Variants in AKT3 observed in about 807,000 individuals in gnomAD.
AKT3 encodes AKT serine/threonine kinase 3, also known as RAC-gamma serine/threonine-protein kinase.
Under a neutral mutation model 65.3 loss-of-function variants are expected in AKT3, and 15 were observed. The ratio of observed to expected loss-of-function variants is 0.23; its 90% CI spans 0.15 to 0.35. AKT3 has a LOEUF of 0.35. AKT3 is among the 10% of genes least tolerant of loss of function. AKT3 has a pLI of 1.00. For synonymous variants in AKT3, 206 were observed against 183.8 expected (o/e 1.12, Z -0.98); for missense variants, 243 against 576.5 (o/e 0.42, Z 5.92).
chr1:243,672,736 T>C (rs1683237932), intron 3 of AKT3, among the ~76,000 whole-genome samples: 1 of 152,226 alleles, frequency 6.6e-6, no homozygotes, highest in Non-Finnish European at 1.5e-5. Flanking sequence ...TTTTCTTCTT[T>C]GAATATGGTC....
intron 6 of AKT3, among the ~76,000 whole-genome samples, chr1:243,631,992 C>G (rs954709980): frequency 6.6e-6 from 1 of 152,178 alleles, no homozygotes; most frequent in Non-Finnish European, 1.5e-5. Context: ...GAGTCTTGAA[C>G]CCCTCAAACT....
chr1:243,498,610 T>C (rs551412767), downstream of AKT3, among the ~76,000 whole-genome samples: 1 of 152,388 alleles, frequency 6.6e-6, no homozygotes, highest in Admixed American at 6.5e-5. Flanking sequence ...GAAATCTACT[T>C]GAAATGTAAA....
intron 2 of AKT3, among the ~76,000 whole-genome samples, chr1:243,816,075 T>G (rs1693502135): frequency 6.6e-6 from 1 of 152,150 alleles, no homozygotes; most frequent in Non-Finnish European, 1.5e-5. Context: ...TAGCCAGGGA[T>G]GTAGTCATCA....
intron 2 of AKT3, among the ~76,000 whole-genome samples, chr1:243,713,264 C>G (rs949223738): frequency 6.6e-6 from 1 of 152,052 alleles, no homozygotes; most frequent in Non-Finnish European, 1.5e-5. Context: ...ACCATCAACA[C>G]GGAGAAATAA....
chr1:243,507,123 G>T (rs976861806), intron 13 of AKT3, among the ~76,000 whole-genome samples: 1 of 152,254 alleles, frequency 6.6e-6, no homozygotes, highest in South Asian at 2.1e-4. Flanking sequence ...CTGGACAGCA[G>T]TGGGGAGCCT....
At chr1:243,536,179 A>G (rs553153585) in intron 12 of AKT3, among the ~76,000 whole-genome samples, 26 of 152,064 alleles carry the variant, frequency 1.7e-4, no homozygotes, top group South Asian at 2.1e-4. Flanking sequence ...TAAGTTGTCT[A>G]TTTACTTTGT....
intron 8 of AKT3, among the ~76,000 whole-genome samples, chr1:243,589,567 C>T (rs1054012486): frequency 6.6e-5 from 10 of 152,042 alleles, no homozygotes; most frequent in Non-Finnish European, 1.5e-4. Flanking sequence ...AAAGGGAACC[C>T]TTGTGCACTG....
chr1:243,536,393 T>G (rs1211337576), intron 12 of AKT3, among the ~76,000 whole-genome samples: 1 of 152,194 alleles, frequency 6.6e-6, no homozygotes, highest in Non-Finnish European at 1.5e-5. Flanking sequence ...CATCTTGAGT[T>G]AATTCTTGCA....
chr1:243,693,404 C>A (rs1684852983), intron 3 of AKT3, among the ~76,000 whole-genome samples: 1 of 150,632 alleles, frequency 6.6e-6, no homozygotes, highest in African/African-American at 2.4e-5. Flanking sequence ...CTCTCTTGCA[C>A]CAATTGTTCC....
At chr1:243,648,725 C>A (rs951443471) in intron 4 of AKT3, among the ~76,000 whole-genome samples, 1 of 152,136 alleles carries the variant, frequency 6.6e-6, no homozygotes, top group Non-Finnish European at 1.5e-5. Context: ...AGGAAAGGTT[C>A]TTAATTACTA....
At chr1:243,582,374 T>C (rs545710288) in intron 8 of AKT3, among the ~76,000 whole-genome samples, 7 of 145,524 alleles carry the variant, frequency 4.8e-5, no homozygotes, top group Non-Finnish European at 1.0e-4. Flanking sequence ...GGGAATGTCA[T>C]CAGGCCAACC....
downstream of AKT3, among the ~76,000 whole-genome samples, chr1:243,495,474 G>A (rs968662859): frequency 4.6e-5 from 7 of 152,288 alleles, no homozygotes; most frequent in East Asian, 3.9e-4. Flanking sequence ...GGGCCCAGCC[G>A]GGCAGCCAGG....
At chr1:243,835,364 T>C (rs576186447) in intron 2 of AKT3, among the ~76,000 whole-genome samples, 16 of 152,264 alleles carry the variant, frequency 1.1e-4, no homozygotes, top group Admixed American at 5.9e-4. Flanking sequence ...ATCTTAAAAC[T>C]ACCTATAGGG....
chr1:243,735,644 T>C (rs1687799724), intron 2 of AKT3: 1 of 152,214 alleles, frequency 6.6e-6, no homozygotes, highest in Non-Finnish European at 1.5e-5. Context: ...CAGCTCTTAC[T>C]ATCAGTCATC....
chr1:243,626,347 C>T (rs1416073012), intron 6 of AKT3, among the ~76,000 whole-genome samples: 1 of 152,184 alleles, frequency 6.6e-6, no homozygotes, highest in Admixed American at 6.5e-5. Flanking sequence ...CTGATGTTAA[C>T]ACAAAGGTCT....
chr1:243,675,755 G>T (rs746247438), intron 3 of AKT3, among the ~76,000 whole-genome samples: 1 of 151,932 alleles, frequency 6.6e-6, no homozygotes, highest in Non-Finnish European at 1.5e-5. Context: ...CCTATCCTTT[G>T]AGTCCCTTTT....
At chr1:243,716,603 AAAAC>A (rs2148096115) in intron 2 of AKT3, among the ~76,000 whole-genome samples, 2 of 152,356 alleles carry the variant, frequency 1.3e-5, no homozygotes, top group East Asian at 3.9e-4. Context: ...TGCATAGTTT[AAAAC>A]AAACTCTTCA....
At chr1:243,698,138 T>G (rs191307349) in intron 2 of AKT3, among the ~76,000 whole-genome samples, 1 of 152,210 alleles carries the variant, frequency 6.6e-6, no homozygotes. Context: ...TTATTTTATT[T>G]TTCCATTTCA....
At chr1:243,768,632 C>T (rs1316892387) in intron 2 of AKT3, among the ~76,000 whole-genome samples, 3 of 152,012 alleles carry the variant, frequency 2.0e-5, no homozygotes, top group South Asian at 2.1e-4. Context: ...GTCAGGAGTT[C>T]GATACTAACC....
Sources: gnomAD v4.1 joint callset for allele counts (sites outside exome capture counted in the v4.1 genomes callset) on GRCh38, gnomAD v4.1.1 for gene constraint, MANE v1.5 for transcripts, NCBI Gene and HGNC (gene_info 2026-07-23, HGNC 2026-07-21) for gene names.